ARHGEF28: variants seen among roughly 807,000 people sequenced by gnomAD.
ARHGEF28 encodes the protein 190 kDa guanine nucleotide exchange factor.
ARHGEF28 carries 152 observed loss-of-function variants against 206.6 expected under a neutral mutation model. The observed-to-expected ratio is 0.74, with a 90% CI of 0.64 to 0.84. ARHGEF28 has a LOEUF of 0.84. Among genes scored for constraint, ARHGEF28 ranks in the 40% least tolerant of loss-of-function variants. The pLI is 0.00. For synonymous variants in ARHGEF28, 763 were observed against 776.4 expected (o/e 0.98, Z 0.29); for missense variants, 2,028 against 2,073.2 (o/e 0.98, Z 0.42).
intron 7 of ARHGEF28, among the ~76,000 whole-genome samples, chr5:73,790,612 T>G (rs1410746842): frequency 2.0e-5 from 3 of 151,908 alleles, no homozygotes; most frequent in African/African-American, 7.3e-5. Flanking sequence ...AGTGCCTCAT[T>G]GTTGCTCCCA....
chr5:73,793,767 A>G (rs1191408636), intron 7 of ARHGEF28, among the ~76,000 whole-genome samples: 1 of 149,990 alleles, frequency 6.7e-6, no homozygotes, highest in Non-Finnish European at 1.5e-5. Context: ...AATCAATTAA[A>G]CCACAGATAA....
At chr5:73,818,528 T>C (rs556527718) in intron 9 of ARHGEF28, among the ~76,000 whole-genome samples, 2 of 152,258 alleles carry the variant, frequency 1.3e-5, no homozygotes, top group African/African-American at 4.8e-5. Context: ...AAATCCTTAT[T>C]AAGGAAGGGA....
chr5:73,858,358 T>A (rs1759184604), intron 16 of ARHGEF28, 139 bp downstream of exon 16: 1 of 1,143,292 alleles, frequency 8.7e-7, no homozygotes, highest in Non-Finnish European at 1.2e-6. Flanking sequence ...AAGCAAGGAC[T>A]GATACTGGTT....
intron 22 of ARHGEF28, among the ~76,000 whole-genome samples, chr5:73,877,551 G>A (rs1346269073): frequency 3.6e-5 from 5 of 137,326 alleles, no homozygotes; most frequent in Admixed American, 2.2e-4. Flanking sequence ...TTTCTCTTGT[G>A]GGCATTTAGT....
intron 3 of ARHGEF28, among the ~76,000 whole-genome samples, chr5:73,750,354 CT>C (rs1295386245): frequency 1.3e-5 from 2 of 152,096 alleles, no homozygotes. Context: ...TCAGGCAGAA[CT>C]GACATTGACA....
chr5:73,763,242 T>C (rs55650243), intron 4 of ARHGEF28, among the ~76,000 whole-genome samples: 7,097 of 152,278 alleles, frequency 0.047, 222 homozygotes, highest in African/African-American at 0.082. Flanking sequence ...CCTCTTCTAG[T>C]CTCACCAGAA....
chr5:73,679,858 TGTA>T (rs1746954587), intron 1 of ARHGEF28, among the ~76,000 whole-genome samples: 2 of 152,176 alleles, frequency 1.3e-5, no homozygotes, highest in Admixed American at 6.5e-5. Context: ...CACGTCTCAA[TGTA>T]GTATAGATTT....
At chr5:73,834,544 G>C (rs113301782) in intron 10 of ARHGEF28, among the ~76,000 whole-genome samples, 21 of 7,372 alleles carry the variant, frequency 2.8e-3, no homozygotes, top group African/African-American at 5.4e-3. Context: ...TAATATTCCT[G>C]TGTGTGTGTG....
rs112215333 is a variant in ARHGEF28, at chr5:73,708,186, G to GTT, written c.33+23313_33+23314dup. 6.5e-4 allele frequency among the ~76,000 whole-genome samples: 96 copies of GTT among 147,328 alleles called. 1 individual carries two copies. Among genetic ancestry groups the GTT allele is most frequent in the African/African-American group, 1.5e-3 (61 of 40,348 alleles). On this transcript the variant is annotated intron_variant, in intron 2 of 35. Coordinates refer to ENST00000513042, the MANE Select transcript of ARHGEF28 (RefSeq NM_001177693.2). ...AAAACACTTTAGCTTTACTGTCAAA[G>GTT]TTTTTTTTTTTTAATTTCAGCTTTT...
intron 30 of ARHGEF28, chr5:73,898,895 C>A (rs931766102): frequency 1.8e-4 from 28 of 151,908 alleles, no homozygotes; most frequent in Admixed American, 1.8e-3. Context: ...GTCTTATGTG[C>A]GTAAGATAAA....
intron 24 of ARHGEF28, 119 bp downstream of exon 24, chr5:73,884,003 A>G: frequency 2.0e-6 from 1 of 494,350 alleles, no homozygotes; most frequent in Non-Finnish European, 3.4e-6. Flanking sequence ...TTCACGACGG[A>G]GAAACTGTTA....
intron 33 of ARHGEF28, among the ~76,000 whole-genome samples, chr5:73,908,082 GTAAT>G (rs1762648069): frequency 6.6e-6 from 1 of 152,114 alleles, no homozygotes; most frequent in African/African-American, 2.4e-5. Flanking sequence ...AAAGATCATA[GTAAT>G]TAATACCTAT....
At chr5:73,789,644 T>C (rs185736755) in intron 7 of ARHGEF28, among the ~76,000 whole-genome samples, 81 of 152,202 alleles carry the variant, frequency 5.3e-4, no homozygotes, top group Non-Finnish European at 7.5e-4. Context: ...GTTATATTGA[T>C]TTTTTTGTTT....
At chr5:73,732,080 T>C (rs1276890697) in intron 2 of ARHGEF28, among the ~76,000 whole-genome samples, 1 of 151,722 alleles carries the variant, frequency 6.6e-6, no homozygotes, top group African/African-American at 2.4e-5. Flanking sequence ...ATCGAAAATC[T>C]GTAGTTTACA....
chr5:73,818,284 A>G (rs192592088), intron 9 of ARHGEF28, among the ~76,000 whole-genome samples: 5 of 152,328 alleles, frequency 3.3e-5, no homozygotes, highest in African/African-American at 1.2e-4. Context: ...ATCTGAAAAA[A>G]TAATCCTTGA....
At chr5:73,652,914 A>G (rs1744924230) in intron 1 of ARHGEF28, among the ~76,000 whole-genome samples, 1 of 152,192 alleles carries the variant, frequency 6.6e-6, no homozygotes, top group African/African-American at 2.4e-5. Flanking sequence ...TTTTTCAGTG[A>G]TGCCTCAGGG....
At chr5:73,851,701 A>G (rs1417517324) in intron 13 of ARHGEF28, among the ~76,000 whole-genome samples, 1 of 152,110 alleles carries the variant, frequency 6.6e-6, no homozygotes, top group Non-Finnish European at 1.5e-5. Flanking sequence ...ACTTCAGCCT[A>G]TTTACCATAA....
rs574478192 is a variant in ARHGEF28 at position 73,902,231 on chromosome 5, G to A, written c.4074+947G>A. ...TTTTTTAAACTTCAGAGGCCAAAAT[G>A]AGCATAGGAATGTAATATTTTACTC... On this transcript the variant is annotated intron_variant, in intron 31 of 35. Transcript: ENST00000513042. 3.9e-5 allele frequency: 6 copies of A among 152,322 alleles called. No individual in the cohort carries two copies. In the South Asian group the frequency reaches 1.2e-3, roughly 32 times the overall value. 9.4% of individuals were successfully genotyped at this position (152,322 alleles called of 1,614,324 possible).
At chr5:73,936,535 C>T (rs1031359229) in intron 35 of ARHGEF28, among the ~76,000 whole-genome samples, 3 of 152,088 alleles carry the variant, frequency 2.0e-5, no homozygotes, top group East Asian at 1.9e-4. Flanking sequence ...AATCACTGAG[C>T]CCAAATACAA....
Sources: allele counts gnomAD v4.1 joint callset (sites outside exome capture counted in the v4.1 genomes callset), GRCh38; gene constraint gnomAD v4.1.1; transcripts MANE v1.5; gene names NCBI Gene and HGNC (gene_info 2026-07-23, HGNC 2026-07-21).